CDH13: variants seen among roughly 807,000 people sequenced by gnomAD.
CDH13 encodes cadherin-13.
In CDH13, 24 loss-of-function variants were observed where a neutral mutation model predicts 63.8. The observed-to-expected ratio is 0.38, with a 90% confidence interval of 0.27 to 0.53. The LOEUF is 0.53. Ranked by LOEUF, CDH13 falls within the 20% of genes least tolerant of loss-of-function variation. The probability of loss-of-function intolerance (pLI) is 0.85; values close to 1 mark genes in which losing one functional copy is unlikely to be tolerated. For synonymous variants in CDH13, 503 were observed against 355.3 expected, an observed-to-expected ratio of 1.42 and a Z score of -4.67; for missense variants, 1,049 against 903.1, an observed-to-expected ratio of 1.16 and a Z score of -2.07.
chr16:83,179,184 C>A (rs2038246800), intron 4 of CDH13, among the ~76,000 whole-genome samples: 2 of 152,120 alleles, frequency 1.3e-5, no homozygotes, highest in African/African-American at 2.4e-5. Flanking sequence ...CCAGGAAATA[C>A]AGGAAAGCCT....
At chr16:83,254,218 T>C (rs1479963539) in intron 5 of CDH13, among the ~76,000 whole-genome samples, 4 of 152,168 alleles carry the variant, frequency 2.6e-5, no homozygotes, top group South Asian at 4.1e-4. Context: ...CACCTGGGGA[T>C]TGGGAACCAC....
At chr16:83,147,217 T>A (rs909967567) in intron 4 of CDH13, among the ~76,000 whole-genome samples, 1 of 152,182 alleles carries the variant, frequency 6.6e-6, no homozygotes, top group African/African-American at 2.4e-5. Flanking sequence ...CCAACTGTAG[T>A]CAACCACATG....
chr16:82,753,408 AC>A lies in CDH13; in HGVS notation c.46-104951del, dbSNP rs374241938. ...CTTAACCCCTAACTGGGGGCTTTCTACCCTGTCTTTGCACACCATTTATCCT... is the reference window on the plus strand; with the variant it reads ...CTTAACCCCTAACTGGGGGCTTTCTACCTGTCTTTGCACACCATTTATCCT... On this transcript the variant is annotated intron_variant, in intron 1 of 13. Transcript: ENST00000567109. 8.5e-4 allele frequency among the ~76,000 whole-genome samples: 130 copies of A among 152,108 alleles called. 2 individuals are homozygous for A. The South Asian group carries it at 0.025, about 29-fold the overall frequency.
chr16:83,608,106 C>G (rs6563945), intron 8 of CDH13, among the ~76,000 whole-genome samples: 77,510 of 152,012 alleles, frequency 0.51, 21,899 homozygotes, highest in African/African-American at 0.77. Flanking sequence ...TTTTCCAGTT[C>G]TACCTTAAAA....
chr16:83,378,573 C>T (rs1018600802), intron 6 of CDH13, among the ~76,000 whole-genome samples: 23 of 152,170 alleles, frequency 1.5e-4, no homozygotes, highest in Non-Finnish European at 1.9e-4. Flanking sequence ...GGCCCAGAAG[C>T]AAATGCAGCA....
At chr16:83,449,429 C>T (rs577752994) in intron 6 of CDH13, among the ~76,000 whole-genome samples, 6 of 152,310 alleles carry the variant, frequency 3.9e-5, no homozygotes, top group African/African-American at 1.4e-4. Context: ...TCATGTCCTT[C>T]AGGGCCCCAG....
chr16:83,296,630 C>A (rs937617550), intron 5 of CDH13, among the ~76,000 whole-genome samples: 1 of 151,544 alleles, frequency 6.6e-6, no homozygotes, highest in Non-Finnish European at 1.5e-5. Context: ...AACACAAGTA[C>A]ACACACACAC....
chr16:83,195,613 G>C (rs7192278), intron 4 of CDH13, among the ~76,000 whole-genome samples: 2 of 151,982 alleles, frequency 1.3e-5, no homozygotes, highest in African/African-American at 4.8e-5. Context: ...ACCCCCCGCC[G>C]TGATCCCATC....
At chr16:83,046,932 C>T (rs536588924) in intron 3 of CDH13, among the ~76,000 whole-genome samples, 2 of 152,266 alleles carry the variant, frequency 1.3e-5, no homozygotes, top group East Asian at 1.9e-4. Flanking sequence ...TTTCCCTTTC[C>T]CCGATGGCTA....
At chr16:82,768,865 TC>T in intron 1 of CDH13, among the ~76,000 whole-genome samples, 1 of 152,334 alleles carries the variant, frequency 6.6e-6, no homozygotes, top group East Asian at 1.9e-4. Context: ...GTCCGCAGGC[TC>T]CCTTTCACAC....
chr16:83,248,089 G>A (rs183684367), intron 5 of CDH13, among the ~76,000 whole-genome samples: 2 of 152,278 alleles, frequency 1.3e-5, no homozygotes, highest in African/African-American at 4.8e-5. Flanking sequence ...CCTGATCAGC[G>A]GGGTGCTAAT....
intron 6 of CDH13, among the ~76,000 whole-genome samples, chr16:83,480,874 A>G (rs1019635229): frequency 1.2e-4 from 19 of 152,170 alleles, no homozygotes; most frequent in African/African-American, 4.6e-4. Context: ...CAGCTTCTAC[A>G]TCTGTCTCAC....
At chr16:83,489,261 G>C (rs935759821) in intron 7 of CDH13, among the ~76,000 whole-genome samples, 1 of 152,020 alleles carries the variant, frequency 6.6e-6, no homozygotes, top group Non-Finnish European at 1.5e-5. Flanking sequence ...CTTTTCATTT[G>C]GGCTTTCATT....
intron 3 of CDH13, among the ~76,000 whole-genome samples, chr16:83,095,184 C>G (rs1305423273): frequency 6.6e-6 from 1 of 152,312 alleles, no homozygotes; most frequent in African/African-American, 2.4e-5. Context: ...TGATGCCAAG[C>G]TACAAACATG....
chr16:83,474,004 A>T (rs2073534181), intron 6 of CDH13, among the ~76,000 whole-genome samples: 1 of 152,128 alleles, frequency 6.6e-6, no homozygotes, highest in Non-Finnish European at 1.5e-5. Context: ...CAACTTTTGT[A>T]TTCATTCAGG....
intron 3 of CDH13, among the ~76,000 whole-genome samples, chr16:83,072,100 G>T (rs945905223): frequency 6.6e-6 from 1 of 152,056 alleles, no homozygotes; most frequent in Non-Finnish European, 1.5e-5. Context: ...TCAACATTTA[G>T]TCAAGTCGAA....
chr16:83,508,669 T>C (rs189432655), intron 7 of CDH13, among the ~76,000 whole-genome samples: 1 of 152,328 alleles, frequency 6.6e-6, no homozygotes, highest in Admixed American at 6.5e-5. Context: ...GAACACCAGT[T>C]GTCCACAGAG....
intron 1 of CDH13, among the ~76,000 whole-genome samples, chr16:82,778,570 G>GAAAAAAAAAAA (rs11350020): frequency 2.3e-5 from 2 of 85,784 alleles, no homozygotes. Flanking sequence ...ATCACGACCA[G>GAAAAAAAAAAA]AAAAAAAAAA....
intron 6 of CDH13, among the ~76,000 whole-genome samples, chr16:83,369,844 G>A (rs184042147): frequency 1.6e-4 from 24 of 152,228 alleles, no homozygotes; most frequent in Admixed American, 5.9e-4. Flanking sequence ...TGTGAGCCTC[G>A]TGTTTGTATT....
Sources: gnomAD v4.1 joint callset for allele counts (sites outside exome capture counted in the v4.1 genomes callset) on GRCh38, gnomAD v4.1.1 for gene constraint, MANE v1.5 for transcripts, NCBI Gene and HGNC (gene_info 2026-07-23, HGNC 2026-07-21) for gene names.